Variants in WWTR1 observed in about 807,000 individuals in gnomAD.
WWTR1 encodes the protein WW domain-containing transcription regulator protein 1.
In WWTR1, 13 loss-of-function variants were observed where a neutral mutation model predicts 40.1. The observed-to-expected ratio is 0.32, with a 90% CI of 0.21 to 0.52. The LOEUF (loss-of-function observed/expected upper bound fraction) is 0.52. Among genes scored for constraint, WWTR1 ranks in the 20% least tolerant of loss-of-function variants. The pLI is 0.97. For synonymous variants in WWTR1, 230 were observed against 210.1 expected, an observed-to-expected ratio of 1.09 and a Z score of -0.82; for missense variants, 436 against 523.1, an observed-to-expected ratio of 0.83 and a Z score of 1.63.
At chr3:149,562,861 A>G (rs1175374762) in intron 3 of WWTR1, among the ~76,000 whole-genome samples, 1 of 152,294 alleles carries the variant, frequency 6.6e-6, no homozygotes, top group East Asian at 1.9e-4. Context: ...GAAGAAATCA[A>G]TCAGTTGGTA....
intron 5 of WWTR1, among the ~76,000 whole-genome samples, chr3:149,709,114 A>G (rs1049976475): frequency 2.0e-5 from 3 of 151,952 alleles, no homozygotes; most frequent in Non-Finnish European, 4.4e-5. Flanking sequence ...TACTGGGACT[A>G]TGGGCACGTG....
chr3:149,637,976 G>A (rs2108120842), intron 2 of WWTR1, among the ~76,000 whole-genome samples: 1 of 152,298 alleles, frequency 6.6e-6, no homozygotes, highest in East Asian at 1.9e-4. Context: ...CAGCACTTTG[G>A]GAGGCTGAGG....
intron 2 of WWTR1, among the ~76,000 whole-genome samples, chr3:149,592,437 A>G (rs1738774079): frequency 6.7e-6 from 1 of 148,260 alleles, no homozygotes; most frequent in African/African-American, 2.6e-5. Flanking sequence ...GACCAGAACT[A>G]AAAAAACTAC....
intron 6 of WWTR1, among the ~76,000 whole-genome samples, chr3:149,521,360 C>T (rs1735038429): frequency 5.9e-5 from 9 of 152,100 alleles, no homozygotes; most frequent in Admixed American, 5.9e-4. Context: ...TTAGGTTTAC[C>T]CATACCATCC....
intron 2 of WWTR1, among the ~76,000 whole-genome samples, chr3:149,649,337 A>T (rs1360455674): frequency 1.3e-5 from 2 of 152,170 alleles, no homozygotes; most frequent in Admixed American, 6.5e-5. Flanking sequence ...CTGGCTAAAG[A>T]TCTTTTAGAT....
intron 4 of WWTR1, chr3:149,540,309 TA>T (rs1370774473): frequency 2.2e-5 from 10 of 456,456 alleles, no homozygotes; most frequent in African/African-American, 1.2e-4. Context: ...CCATCAGTAC[TA>T]CATCCTGGTT....
intron 5 of WWTR1, among the ~76,000 whole-genome samples, chr3:149,715,881 C>T (rs949525307): frequency 6.6e-6 from 1 of 152,080 alleles, no homozygotes. Context: ...GAGGGGACTA[C>T]AACATATTTA....
chr3:149,724,431 C>T (rs1715825269), intron 3 of WWTR1, among the ~76,000 whole-genome samples: 1 of 151,616 alleles, frequency 6.6e-6, no homozygotes, highest in Non-Finnish European at 1.5e-5. Flanking sequence ...ACTAAATTAA[C>T]AGGCTCTCTT....
At chr3:149,603,518 T>C (rs958435997) in intron 2 of WWTR1, among the ~76,000 whole-genome samples, 3 of 151,846 alleles carry the variant, frequency 2.0e-5, no homozygotes, top group Admixed American at 2.0e-4. Context: ...TTCTTCATGA[T>C]AATGCTAATA....
At chr3:149,622,548 A>C (rs989761913) in intron 2 of WWTR1, among the ~76,000 whole-genome samples, 10 of 152,132 alleles carry the variant, frequency 6.6e-5, no homozygotes, top group African/African-American at 1.2e-4. Flanking sequence ...AAAGAAAAAG[A>C]AAGCAAGCAA....
intron 2 of WWTR1, among the ~76,000 whole-genome samples, chr3:149,625,267 G>A (rs994370515): frequency 1.3e-5 from 2 of 151,172 alleles, no homozygotes; most frequent in Middle Eastern, 3.4e-3. Flanking sequence ...GACTATAGGC[G>A]CCCACCACGC....
chr3:149,575,910 A>G (rs1737854390), intron 2 of WWTR1: 1 of 452,854 alleles, frequency 2.2e-6, no homozygotes, highest in African/African-American at 2.0e-5. Flanking sequence ...CCATGGCTTG[A>G]AGTCCCAGCA....
At chr3:149,573,699 G>A (rs575755860) in intron 2 of WWTR1, among the ~76,000 whole-genome samples, 6 of 152,076 alleles carry the variant, frequency 3.9e-5, no homozygotes, top group Non-Finnish European at 8.8e-5. Context: ...GGTTTACAAG[G>A]GAGAAGACAT....
At chr3:149,589,041 G>T (rs1331743428) in intron 2 of WWTR1, among the ~76,000 whole-genome samples, 1 of 152,212 alleles carries the variant, frequency 6.6e-6, no homozygotes, top group African/African-American at 2.4e-5. Context: ...GCAGCTGTTT[G>T]AGTGAGCGGG....
At chr3:149,707,479 G>A (rs1317160411), upstream of WWTR1, among the ~76,000 whole-genome samples, 1 of 152,008 alleles carries the variant, frequency 6.6e-6, no homozygotes, top group Non-Finnish European at 1.5e-5. Context: ...TCACGAACAG[G>A]AGAACAATTC....
intron 3 of WWTR1, among the ~76,000 whole-genome samples, chr3:149,563,319 G>A (rs926059616): frequency 7.2e-5 from 11 of 152,090 alleles, no homozygotes; most frequent in Admixed American, 3.9e-4. Flanking sequence ...TCTGGAATTC[G>A]TCACGGTTTA....
At chr3:149,698,404 T>C (rs915938239) in intron 1 of WWTR1, among the ~76,000 whole-genome samples, 1 of 152,226 alleles carries the variant, frequency 6.6e-6, no homozygotes, top group Non-Finnish European at 1.5e-5. Context: ...GATTGTAAGT[T>C]TCCTGAGGAC....
chr3:149,630,177 C>T (rs910433392), intron 2 of WWTR1, among the ~76,000 whole-genome samples: 3 of 152,082 alleles, frequency 2.0e-5, no homozygotes, highest in African/African-American at 7.2e-5. Context: ...ATAAAATCTT[C>T]GGTGCGTTTT....
chr3:149,652,620 C>CAAAAAAAAAAAAAAAAAAAA (rs758013561), intron 2 of WWTR1, among the ~76,000 whole-genome samples: 2 of 20,230 alleles, frequency 9.9e-5, no homozygotes, highest in East Asian at 1.1e-3. Context: ...GACCCCATCT[C>CAAAAAAAAAAAAAAAAAAAA]AAAAAAAAAA....
Sources: gnomAD v4.1 joint callset for allele counts (sites outside exome capture counted in the v4.1 genomes callset) on GRCh38, gnomAD v4.1.1 for gene constraint, MANE v1.5 for transcripts, NCBI Gene and HGNC (gene_info 2026-07-23, HGNC 2026-07-21) for gene names.